The following ZDHHC11 variants were observed in gnomAD, a reference collection of about 807,000 sequenced individuals.
ZDHHC11 encodes palmitoyltransferase ZDHHC11.
In ZDHHC11, 44 loss-of-function variants were observed where a neutral mutation model predicts 51.3. That is an observed-to-expected ratio of 0.86 (90% CI 0.67 to 1.10). ZDHHC11 has a LOEUF of 1.10. ZDHHC11 is among the 50% of genes least tolerant of loss of function. ZDHHC11 has a pLI of 0.00. For synonymous variants in ZDHHC11, 163 were observed against 222.0 expected, an observed-to-expected ratio of 0.73 and a Z score of 2.36; for missense variants, 400 against 537.7, an observed-to-expected ratio of 0.74 and a Z score of 2.53.
intron 7 of ZDHHC11, among the ~76,000 whole-genome samples, chr5:828,216 A>G (rs1742563574): frequency 6.6e-6 from 1 of 151,258 alleles, no homozygotes; most frequent in South Asian, 2.1e-4. Context: ...CAAAACCGCC[A>G]TTGTCATCAT....
upstream of ZDHHC11, among the ~76,000 whole-genome samples, chr5:855,934 G>C (rs781322622): frequency 2.0e-5 from 3 of 150,936 alleles, no homozygotes; most frequent in Non-Finnish European, 4.4e-5. Context: ...CGAGCCGGGG[G>C]GACAGACCCC....
At chr5:842,911 C>T (rs1745274093) in intron 4 of ZDHHC11, among the ~76,000 whole-genome samples, 3 of 152,252 alleles carry the variant, frequency 2.0e-5, no homozygotes, top group Admixed American at 1.3e-4. Flanking sequence ...CCCTCTGTGT[C>T]TCTCCTTTCT....
intron 7 of ZDHHC11, among the ~76,000 whole-genome samples, chr5:827,745 ATT>A (rs568074946): frequency 4.1e-5 from 6 of 144,706 alleles, no homozygotes; most frequent in South Asian, 2.2e-4. Flanking sequence ...TTTATTCTTT[ATT>A]TTTTTTTTTT....
At chr5:851,971 G>A (rs540887908), upstream of ZDHHC11, among the ~76,000 whole-genome samples, 19 of 151,824 alleles carry the variant, frequency 1.3e-4, no homozygotes, top group South Asian at 8.3e-4. Flanking sequence ...CATGAGAATC[G>A]TTTGAACCTG....
At chr5:827,917 T>A (rs1296323331) in intron 7 of ZDHHC11, among the ~76,000 whole-genome samples, 1 of 150,902 alleles carries the variant, frequency 6.6e-6, no homozygotes, top group Non-Finnish European at 1.5e-5. Context: ...CCTGGGTACT[T>A]GAGATTAGGG....
At chr5:851,683 G>A (rs1017359833), upstream of ZDHHC11, among the ~76,000 whole-genome samples, 3 of 152,150 alleles carry the variant, frequency 2.0e-5, no homozygotes, top group Non-Finnish European at 2.9e-5. Context: ...AGGCGGATGC[G>A]GGGCCACAGG....
At chr5:818,960 C>A (rs1314245308) in intron 10 of ZDHHC11, among the ~76,000 whole-genome samples, 2 of 151,486 alleles carry the variant, frequency 1.3e-5, no homozygotes, top group African/African-American at 4.8e-5. Context: ...CAGGGCTTTT[C>A]CCGTGAAGGA....
chr5:798,790 A>AT (rs142996818), intron 12 of ZDHHC11, among the ~76,000 whole-genome samples: 123 of 147,100 alleles, frequency 8.4e-4, no homozygotes, highest in South Asian at 2.6e-3. Context: ...AGTGGTGAAT[A>AT]TTTTTTTTTT....
chr5:844,597 G>A (rs1486211444), intron 3 of ZDHHC11, among the ~76,000 whole-genome samples: 1 of 152,308 alleles, frequency 6.6e-6, no homozygotes, highest in African/African-American at 2.4e-5. Flanking sequence ...GCTGGGCAAA[G>A]GCACTGAAGC....
upstream of ZDHHC11, among the ~76,000 whole-genome samples, chr5:860,092 A>T (rs916500030): frequency 2.6e-5 from 4 of 152,208 alleles, no homozygotes; most frequent in Non-Finnish European, 4.4e-5. The surrounding 1 kb of genome is among the most constrained non-coding windows in gnomAD (Gnocchi z 4.2). Context: ...GCCCATGGAC[A>T]TCTTGTCTGT....
At chr5:829,325 C>G (rs1742760909) in intron 7 of ZDHHC11, among the ~76,000 whole-genome samples, 1 of 151,634 alleles carries the variant, frequency 6.6e-6, no homozygotes, top group South Asian at 2.1e-4. Flanking sequence ...GATAGCACAA[C>G]TGATACCACA....
chr5:798,708 T>C lies in ZDHHC11; in HGVS notation c.*8-2128A>G, dbSNP rs113768143. The stretch of plus-strand genomic sequence containing the variant: ...GGGGTAAGGTGTAATACTGAAGAAG[T>C]GTTTTGTGTGGTCTACAGTAATTCA... On this transcript the variant is annotated intron_variant, in intron 12 of 12. Transcript: ENST00000283441. Among the ~76,000 whole-genome samples the C allele has an allele frequency of 4.7e-3, 673 of 144,680 alleles. 1 individual carries two copies. The highest frequency in any genetic ancestry group is 0.016 in the African/African-American group (648 of 40,278). 94.9% of individuals were successfully genotyped at this position (144,680 alleles called of 152,430 possible).
chr5:812,649 A>G (rs1315521934), intron 11 of ZDHHC11, among the ~76,000 whole-genome samples: 1 of 151,426 alleles, frequency 6.6e-6, no homozygotes, highest in Admixed American at 6.6e-5. Context: ...AACTATGAGG[A>G]TTTAAAATGC....
intron 1 of ZDHHC11, among the ~76,000 whole-genome samples, chr5:856,050 A>G (rs570152323): frequency 6.8e-4 from 103 of 152,232 alleles, no homozygotes; most frequent in Non-Finnish European, 1.1e-3. Context: ...ACGTCACATC[A>G]GCCAGAGAAG....
intron 11 of ZDHHC11, among the ~76,000 whole-genome samples, chr5:813,845 G>A (rs1272025343): frequency 7.0e-6 from 1 of 143,862 alleles, no homozygotes; most frequent in African/African-American, 2.8e-5. Context: ...GAAGGAGGCT[G>A]TGTCAGTGTG....
upstream of ZDHHC11, among the ~76,000 whole-genome samples, chr5:855,625 G>A (rs1748103159): frequency 6.7e-6 from 1 of 149,206 alleles, no homozygotes; most frequent in Non-Finnish European, 1.5e-5. Context: ...CCCCACCGAG[G>A]ACAGTGAGCT....
At chr5:840,832 G>C in intron 4 of ZDHHC11, 182 bp from the exon 5 acceptor site, 1 of 1,475,588 alleles carries the variant, frequency 6.8e-7, no homozygotes, top group South Asian at 1.3e-5. Context: ...TGCTGCCTTC[G>C]GTTGGTTTTC....
At position 817,043 on chromosome 5, in the gene ZDHHC11, G is replaced by A. The variant is rs564429809; in HGVS notation, c.1147-2248C>T. 3.6e-5 allele frequency: 7 copies of A among 195,406 alleles called. No individual in the cohort carries two copies. In the East Asian group the frequency reaches 9.2e-4, roughly 26 times the overall value. 12.1% of individuals were successfully genotyped at this position (195,406 alleles called of 1,614,324 possible). On this transcript the variant is annotated intron_variant, in intron 10 of 12. Transcript: ENST00000283441. ...TCTTGCTGAATTACTGCCCTGGGGG[G>A]TAGGGGAGATAAAAATAACTTAAAA...
At chr5:832,269 A>G (rs1212366536) in intron 7 of ZDHHC11, among the ~76,000 whole-genome samples, 1 of 79,964 alleles carries the variant, frequency 1.3e-5, no homozygotes, top group Non-Finnish European at 2.0e-5. Flanking sequence ...ATGCAAAGAC[A>G]TAAGAATGAT....
Sources: allele counts gnomAD v4.1 joint callset (sites outside exome capture counted in the v4.1 genomes callset), GRCh38; gene constraint gnomAD v4.1.1; non-coding constraint Gnocchi (gnomAD v3.1); transcripts MANE v1.5; gene names NCBI Gene and HGNC (gene_info 2026-07-23, HGNC 2026-07-21).